Variants in LDAH observed in about 807,000 individuals in gnomAD.
The protein encoded by LDAH is lipid droplet-associated hydrolase.
In LDAH, 26 loss-of-function variants were observed where a neutral mutation model predicts 29.6. The observed-to-expected ratio is 0.88, with a 90% confidence interval of 0.64 to 1.22. LDAH has a LOEUF of 1.22. LDAH is among the 50% of genes most tolerant of loss of function. The pLI is 0.00. For synonymous variants in LDAH, 117 were observed against 133.0 expected (o/e 0.88, Z 0.83); for missense variants, 344 against 387.3 (o/e 0.89, Z 0.94).
At chr2:20,796,266 G>A (rs754871740) in intron 2 of LDAH, among the ~76,000 whole-genome samples, 3 of 152,098 alleles carry the variant, frequency 2.0e-5, no homozygotes, top group Non-Finnish European at 4.4e-5. Context: ...ATAACTCAAT[G>A]AGAGCAAAGA....
At chr2:20,781,498 G>T (rs1670189113) in intron 3 of LDAH, among the ~76,000 whole-genome samples, 1 of 152,108 alleles carries the variant, frequency 6.6e-6, no homozygotes, top group African/African-American at 2.4e-5. Flanking sequence ...GGACAATCTT[G>T]GACAGCAAAT....
At chr2:20,811,609 C>T (rs1401821437) in intron 1 of LDAH, among the ~76,000 whole-genome samples, 2 of 151,890 alleles carry the variant, frequency 1.3e-5, no homozygotes, top group South Asian at 2.1e-4. Flanking sequence ...CTCAGCCTCC[C>T]GAGTAGCTGG....
At chr2:20,810,854 T>A (rs986934843) in intron 1 of LDAH, among the ~76,000 whole-genome samples, 4 of 152,090 alleles carry the variant, frequency 2.6e-5, no homozygotes, top group African/African-American at 9.7e-5. Context: ...TTGTGAACTG[T>A]GCATGCGAAG....
intron 3 of LDAH, among the ~76,000 whole-genome samples, chr2:20,789,520 T>C (rs1425735793): frequency 6.6e-6 from 1 of 152,194 alleles, no homozygotes; most frequent in East Asian, 1.9e-4. Flanking sequence ...ACAAAGTCTC[T>C]CCTAACCCAC....
chr2:20,772,265 T>C (rs1669485294), intron 4 of LDAH, among the ~76,000 whole-genome samples: 1 of 152,220 alleles, frequency 6.6e-6, no homozygotes, highest in African/African-American at 2.4e-5. Context: ...AAAATGAATA[T>C]TTTCTTTCCT....
downstream of LDAH, among the ~76,000 whole-genome samples, chr2:20,683,559 C>T (rs578026578): frequency 1.1e-3 from 166 of 152,338 alleles, 1 homozygote; most frequent in African/African-American, 3.8e-3. Flanking sequence ...GTTAGAACAT[C>T]CTGGGCTGTG....
chr2:20,801,700 A>T (rs1671681118), intron 1 of LDAH, among the ~76,000 whole-genome samples: 1 of 152,166 alleles, frequency 6.6e-6, no homozygotes, highest in Admixed American at 6.5e-5. Context: ...GAAAAATGAA[A>T]GACTATAGAG....
chr2:20,789,040 T>G, intron 3 of LDAH: 1 of 1,313,468 alleles, frequency 7.6e-7, no homozygotes, highest in South Asian at 1.4e-5. Flanking sequence ...TGCTTAGCAG[T>G]AACATCGCTA....
chr2:20,814,230 G>GA (rs1491481218), intron 1 of LDAH, among the ~76,000 whole-genome samples: 590 of 5,978 alleles, frequency 0.099, 7 homozygotes, highest in African/African-American at 0.11. Flanking sequence ...GTCTGACAAT[G>GA]GGGGGGGGGG....
At chr2:20,707,214 C>T (rs948693213) in intron 5 of LDAH, among the ~76,000 whole-genome samples, 1 of 152,102 alleles carries the variant, frequency 6.6e-6, no homozygotes, top group Non-Finnish European at 1.5e-5. Context: ...AGCTCAAAGC[C>T]CACCAAAATT....
intron 6 of LDAH, among the ~76,000 whole-genome samples, chr2:20,691,674 T>C (rs1394729749): frequency 2.0e-5 from 3 of 152,258 alleles, no homozygotes; most frequent in African/African-American, 7.2e-5. Context: ...TTAGCACTTG[T>C]TTTGGAACTC....
At chr2:20,694,518 A>C (rs1663279456) in intron 6 of LDAH, among the ~76,000 whole-genome samples, 1 of 152,182 alleles carries the variant, frequency 6.6e-6, no homozygotes, top group Non-Finnish European at 1.5e-5. Flanking sequence ...TGGTTTAGGG[A>C]CTTCAGTTTT....
At chr2:20,742,917 G>A (rs550620955) in intron 4 of LDAH, among the ~76,000 whole-genome samples, 4 of 148,606 alleles carry the variant, frequency 2.7e-5, no homozygotes, top group African/African-American at 1.0e-4. Flanking sequence ...ACACCACCAC[G>A]CCTGGCTAAT....
At chr2:20,721,791 C>G (rs1665667872) in intron 5 of LDAH, among the ~76,000 whole-genome samples, 1 of 152,156 alleles carries the variant, frequency 6.6e-6, no homozygotes, top group South Asian at 2.1e-4. Flanking sequence ...ACTGATAGGT[C>G]TATATCCAAA....
At chr2:20,770,657 G>A (rs1669351288) in intron 4 of LDAH, among the ~76,000 whole-genome samples, 1 of 152,028 alleles carries the variant, frequency 6.6e-6, no homozygotes, top group Admixed American at 6.6e-5. Context: ...GAGCATTCAC[G>A]GGGTTTCCTA....
chr2:20,784,310 G>A (rs1670401395), intron 3 of LDAH, among the ~76,000 whole-genome samples: 1 of 152,130 alleles, frequency 6.6e-6, no homozygotes, highest in South Asian at 2.1e-4. Flanking sequence ...GGAGGCTGAG[G>A]TGGGAATGAT....
At chr2:20,727,370 T>C (rs908497702) in intron 5 of LDAH, among the ~76,000 whole-genome samples, 10 of 152,342 alleles carry the variant, frequency 6.6e-5, no homozygotes, top group African/African-American at 2.4e-4. Context: ...TAGAAGAAAT[T>C]TATGATTCTT....
chr2:20,812,410 C>T (rs1172402832), intron 1 of LDAH, among the ~76,000 whole-genome samples: 1 of 152,202 alleles, frequency 6.6e-6, no homozygotes, highest in Non-Finnish European at 1.5e-5. Flanking sequence ...ATATCTACTT[C>T]TCAAGTTCCT....
chr2:20,756,510 GAGAA>G (rs756355150), intron 4 of LDAH, among the ~76,000 whole-genome samples: 2 of 152,068 alleles, frequency 1.3e-5, no homozygotes, highest in Non-Finnish European at 2.9e-5. Context: ...CTGAGAGAGA[GAGAA>G]AGAGAGACCC....
Sources: allele counts gnomAD v4.1 joint callset (sites outside exome capture counted in the v4.1 genomes callset), GRCh38; gene constraint gnomAD v4.1.1; transcripts MANE v1.5; gene names NCBI Gene and HGNC (gene_info 2026-07-23, HGNC 2026-07-21).